LRRC37B: variants seen among roughly 807,000 people sequenced by gnomAD.
LRRC37B encodes leucine-rich repeat-containing protein 37B.
In LRRC37B, 28 loss-of-function variants were observed where a neutral mutation model predicts 98.3. The ratio of observed to expected loss-of-function variants is 0.28; its 90% CI spans 0.21 to 0.39. The LOEUF (loss-of-function observed/expected upper bound fraction) is 0.39. Among genes scored for constraint, LRRC37B ranks in the 10% least tolerant of loss-of-function variants. The probability of loss-of-function intolerance (pLI) is 1.00; values close to 1 mark genes in which losing one functional copy is unlikely to be tolerated. For missense variants in LRRC37B, 938 were observed against 1,182.7 expected, an observed-to-expected ratio of 0.79 and a Z score of 3.03; for synonymous variants, 364 against 442.7, an observed-to-expected ratio of 0.82 and a Z score of 2.23.
At chr17:32,029,366 G>A (rs1911050288) in intron 3 of LRRC37B, among the ~76,000 whole-genome samples, 2 of 152,242 alleles carry the variant, frequency 1.3e-5, no homozygotes, top group African/African-American at 2.4e-5. Context: ...AACATGGTGG[G>A]CAATGCAGAT....
chr17:32,040,933 A>C, intron 7 of LRRC37B: 2 of 962,304 alleles, frequency 2.1e-6, no homozygotes, highest in Non-Finnish European at 3.4e-6. Context: ...GACTTTGACT[A>C]AAAGAAGCGG....
Position 32,045,691 on chromosome 17 carries a change from C to A in LRRC37B, c.2205-9C>A, listed in dbSNP as rs746107689. Reference sequence around the variant, plus strand: ...CCACTAATTTATTGTTTTGTGTTTTCATCTATAGGATCTTACCTAGCCATA... The same window carrying A: ...CCACTAATTTATTGTTTTGTGTTTTAATCTATAGGATCTTACCTAGCCATA... On this transcript the variant is annotated splice_polypyrimidine_tract_variant and intron_variant, in intron 7 of 11. Coordinates refer to ENST00000327564, the Ensembl canonical transcript of LRRC37B. 6.2e-7 allele frequency: 1 copy of A among 1,605,152 alleles called. No individual in the cohort carries two copies. The highest frequency in any genetic ancestry group is 1.1e-5 in the South Asian group (1 of 90,998).
chr17:32,032,735 G>A (rs1911143293), intron 5 of LRRC37B, among the ~76,000 whole-genome samples: 1 of 152,142 alleles, frequency 6.6e-6, no homozygotes, highest in Non-Finnish European at 1.5e-5. Flanking sequence ...CACACTGAGG[G>A]TCTGTTTTTC....
chr17:32,041,034 C>G (rs1476762163), intron 7 of LRRC37B: 5 of 776,470 alleles, frequency 6.4e-6, no homozygotes, highest in Admixed American at 5.2e-5. Flanking sequence ...GCACAACCTC[C>G]TGGAGACCAA....
chr17:32,035,550 G>C lies in LRRC37B; in HGVS notation c.2130-15G>C, dbSNP rs775515562. On this transcript the variant is annotated splice_polypyrimidine_tract_variant and intron_variant, in intron 6 of 11. Coordinates refer to ENST00000327564, the Ensembl canonical transcript of LRRC37B. The stretch of plus-strand genomic sequence containing the variant: ...AATGGGTTCATATCATGAATGTTTC[G>C]GCTTTCTTCTTCAGAGACATGGGAA... 3 of 1,606,294 alleles carry C rather than the reference G, an allele frequency of 1.9e-6. No individual in the cohort carries two copies. Among genetic ancestry groups the C allele is most frequent in the Admixed American group, 1.7e-5 (1 of 59,384 alleles).
In LRRC37B at chr17:32,050,288, G is replaced by A. The variant is rs760349575; in HGVS notation, c.2862+181G>A. 1.8e-4 allele frequency: 96 copies of A among 529,520 alleles called. No homozygotes were observed. The Admixed American group carries it at 2.1e-3, about 12-fold the overall frequency. 32.8% of individuals were successfully genotyped at this position (529,520 alleles called of 1,614,324 possible). Reference sequence around the variant, plus strand: ...ATTCCAGGATTGTTAAAGGATCCTCGCTTCCAGGAGGTCTCTGTGAAATAA... The same window carrying A: ...ATTCCAGGATTGTTAAAGGATCCTCACTTCCAGGAGGTCTCTGTGAAATAA... On this transcript the variant is annotated intron_variant, in intron 11 of 11. Transcript: ENST00000327564.
upstream of LRRC37B, among the ~76,000 whole-genome samples, chr17:32,016,297 A>G (rs1319893528): frequency 2.0e-5 from 3 of 152,198 alleles, no homozygotes; most frequent in Non-Finnish European, 2.9e-5. Context: ...CATTCAGTCA[A>G]GAAATTCACT....
Position 32,041,414 on chromosome 17 carries a change from C to T in LRRC37B, c.2205-4286C>T, listed in dbSNP as rs563937357. 215 of 739,410 alleles carry T rather than the reference C, an allele frequency of 2.9e-4. 4 individuals are homozygous for T. The highest frequency in any genetic ancestry group is 2.5e-3 in the South Asian group (189 of 74,156). The allele number at this position is 739,410 out of a possible 1,614,324, so 45.8% of individuals were successfully genotyped here. The stretch of plus-strand genomic sequence containing the variant: ...GGGAGCTGGGCTTCCATGAGGGTGA[C>T]GTCTTCACGCTGATCAACCAGATCA... On this transcript the variant is annotated intron_variant, in intron 7 of 11. Transcript: ENST00000327564.
intron 1 of LRRC37B, among the ~76,000 whole-genome samples, chr17:32,015,195 G>A (rs1459390376): frequency 5.3e-5 from 8 of 152,182 alleles, no homozygotes; most frequent in Admixed American, 5.2e-4. Context: ...AGAAGATAGG[G>A]ATTGGGGGCA....
intron 3 of LRRC37B, among the ~76,000 whole-genome samples, chr17:32,029,244 C>T (rs962266672): frequency 7.2e-5 from 11 of 152,158 alleles, no homozygotes; most frequent in Non-Finnish European, 1.6e-4. Flanking sequence ...GTAATCCACC[C>T]GCCTCAGCCT....
chr17:32,032,686 C>G (rs1911142316), intron 5 of LRRC37B, among the ~76,000 whole-genome samples: 1 of 152,198 alleles, frequency 6.6e-6, no homozygotes, highest in Admixed American at 6.5e-5. Context: ...ATGCTCCTCT[C>G]TGTCTTCATT....
upstream of LRRC37B, among the ~76,000 whole-genome samples, chr17:32,019,971 G>A (rs1910725449): frequency 6.6e-6 from 1 of 152,076 alleles, no homozygotes; most frequent in African/African-American, 2.4e-5. Context: ...CCTGCCTCCT[G>A]AGTAGCTGGG....
chr17:32,041,573 C>A, intron 7 of LRRC37B: 1 of 484,640 alleles, frequency 2.1e-6, no homozygotes, highest in Non-Finnish European at 4.1e-6. Flanking sequence ...CTGGGTGGCA[C>A]CCCCGCCAGG....
At chr17:32,015,296 T>C (rs1910626411) in intron 1 of LRRC37B, among the ~76,000 whole-genome samples, 1 of 152,254 alleles carries the variant, frequency 6.6e-6, no homozygotes, top group African/African-American at 2.4e-5. Context: ...TGAATCCTTG[T>C]AACATTTGAC....
chr17:32,012,554 T>G (rs1332346409), intron 1 of LRRC37B, among the ~76,000 whole-genome samples: 1 of 150,326 alleles, frequency 6.7e-6, no homozygotes, highest in Non-Finnish European at 1.5e-5. Context: ...CCGTCTCTAC[T>G]AAAAATAGAA....
exon 1 of LRRC37B, chr17:32,021,838 C>T (rs780101775): frequency 3.7e-5 from 60 of 1,614,090 alleles, no homozygotes; most frequent in Non-Finnish European, 4.6e-5. Flanking sequence ...AGTATGGACA[C>T]ACTGTATCCC....
chr17:32,024,906 C>G, intron 2 of LRRC37B, 124 bp downstream of exon 5: 1 of 1,268,398 alleles, frequency 7.9e-7, no homozygotes, highest in Non-Finnish European at 1.1e-6. Context: ...AAATCAGCCT[C>G]TGTGGATTGC....
rs754122480 is a variant in LRRC37B at position 32,022,263 on chromosome 17, C to G, written c.1198C>G (p.Pro400Ala). 10 of 1,613,854 alleles carry G rather than the reference C, an allele frequency of 6.2e-6. No individual in the cohort carries two copies. The South Asian group carries it at 8.8e-5, about 14-fold the overall frequency. ...AGCCCAGCAGGAGGCCCCAATTCAG[C>G]CTCCCGAGGAGGCGGAACCTTCTTC... Residue 400 changes from proline (P) to alanine (A), a missense_variant, in exon 1 of 12, where the codon CCT becomes GCT. Pro to Ala is a conservative substitution (Grantham distance 27). Coordinates refer to ENST00000327564, the Ensembl canonical transcript of LRRC37B.
intron 1 of LRRC37B, among the ~76,000 whole-genome samples, chr17:32,010,967 C>T (rs1196604003): frequency 1.3e-5 from 2 of 152,016 alleles, no homozygotes; most frequent in Admixed American, 1.3e-4. Context: ...TTTTATTTTC[C>T]AAACCTCTAG....
Sources: allele counts gnomAD v4.1 joint callset (sites outside exome capture counted in the v4.1 genomes callset), GRCh38; gene constraint gnomAD v4.1.1; transcripts MANE v1.5; gene names NCBI Gene and HGNC (gene_info 2026-07-23, HGNC 2026-07-21).